CCDC33: variants seen among roughly 807,000 people sequenced by gnomAD.
The protein encoded by CCDC33 is coiled-coil domain-containing protein 33.
CCDC33 carries 94 observed loss-of-function variants against 91.9 expected under a neutral mutation model. That is an observed-to-expected ratio of 1.02 (90% CI 0.87 to 1.21). CCDC33 has a LOEUF of 1.21. Ranked by LOEUF, CCDC33 falls within the 50% of genes most tolerant of loss-of-function variation. The pLI is 0.00. For missense variants in CCDC33, 940 were observed against 935.5 expected (o/e 1.00, Z -0.06); for synonymous variants, 396 against 374.5 (o/e 1.06, Z -0.66).
At chr15:74,262,100 G>A (rs1181696231) in intron 2 of CCDC33, among the ~76,000 whole-genome samples, 7 of 152,180 alleles carry the variant, frequency 4.6e-5, no homozygotes, top group African/African-American at 7.2e-5. Flanking sequence ...CCATGCACAC[G>A]GGCTCCTGCT....
At chr15:74,261,485 G>GA (rs1188008246) in intron 2 of CCDC33, among the ~76,000 whole-genome samples, 1 of 152,216 alleles carries the variant, frequency 6.6e-6, no homozygotes, top group Non-Finnish European at 1.5e-5. Flanking sequence ...GGCTGGTGGG[G>GA]ATGACGTCTT....
At position 74,262,579 on chromosome 15, in the gene CCDC33, C is replaced by A. The variant is rs1222778821; in HGVS notation, c.319+6C>A. On this transcript the variant is annotated splice_donor_region_variant and intron_variant, in intron 3 of 18. Transcript: ENST00000398814. ...TGAGGATGCAGGGCAAGAAGGTAAG[C>A]AGGGGCTGGGCAGGGCCGGCATGTG... is the stretch of plus-strand genomic sequence containing the variant. 1 of 1,611,530 alleles carries A rather than the reference C, an allele frequency of 6.2e-7. No individual in the cohort carries two copies.
chr15:74,333,469 C>G (rs2060486001), intron 16 of CCDC33: 2 of 672,526 alleles, frequency 3.0e-6, no homozygotes, highest in Admixed American at 5.0e-5. Context: ...AGTTTTCTCT[C>G]CATCCCAGGA....
chr15:74,252,715 C>T (rs1381471578), intron 2 of CCDC33, among the ~76,000 whole-genome samples: 1 of 152,124 alleles, frequency 6.6e-6, no homozygotes, highest in Non-Finnish European at 1.5e-5. Flanking sequence ...AGCAGGATCC[C>T]CATGGGAAAA....
At chr15:74,219,246 C>T (rs1184370202) in intron 2 of CCDC33, among the ~76,000 whole-genome samples, 1 of 152,252 alleles carries the variant, frequency 6.6e-6, no homozygotes, top group East Asian at 1.9e-4. Context: ...AGCATCCACC[C>T]TGACCAGGAG....
intron 2 of CCDC33, among the ~76,000 whole-genome samples, chr15:74,251,908 A>G (rs1031688606): frequency 2.0e-5 from 3 of 152,188 alleles, no homozygotes; most frequent in Admixed American, 6.5e-5. Context: ...AATACTCACC[A>G]TACCCCTGAG....
At position 74,332,846 on chromosome 15, in the gene CCDC33, G is replaced by A. The variant is rs755174125; in HGVS notation, c.1938+1G>A. On this transcript the variant is annotated splice_donor_variant, in intron 16 of 18. Transcript: ENST00000398814. LOFTEE classifies it high-confidence loss of function. ...CATTCTGCAGCAACAGGCCCTGCCG[G>A]TAAGAGGCCCTTGACCTGGGCCTGC... The A allele has an allele frequency of 9.9e-6, 16 of 1,613,554 alleles. No homozygotes were observed. Among genetic ancestry groups the A allele is most frequent in the Non-Finnish European group, 1.4e-5 (16 of 1,179,680 alleles).
chr15:74,327,685 G>A (rs1344327698), intron 11 of CCDC33, among the ~76,000 whole-genome samples: 1 of 152,126 alleles, frequency 6.6e-6, no homozygotes, highest in Non-Finnish European at 1.5e-5. Flanking sequence ...AAACAGCTGA[G>A]TTGGAGAACA....
At chr15:74,233,104 C>T (rs2075034931), upstream of CCDC33, among the ~76,000 whole-genome samples, 1 of 152,230 alleles carries the variant, frequency 6.6e-6, no homozygotes, top group Non-Finnish European at 1.5e-5. Flanking sequence ...GGCCCTTCAT[C>T]CCGGAGGCCT....
chr15:74,204,258 C>A (rs1334170275), intron 1 of CCDC33, among the ~76,000 whole-genome samples: 2 of 152,240 alleles, frequency 1.3e-5, no homozygotes, highest in African/African-American at 4.8e-5. Context: ...TCCCGGAGGG[C>A]GGGACTCTAT....
At chr15:74,317,398 A>G (rs555516267) in intron 11 of CCDC33, among the ~76,000 whole-genome samples, 2 of 152,280 alleles carry the variant, frequency 1.3e-5, no homozygotes, top group South Asian at 4.1e-4. Flanking sequence ...GAAAAAGAGT[A>G]AGTGAAACAT....
At chr15:74,247,769 G>A (rs1228897321) in intron 2 of CCDC33, among the ~76,000 whole-genome samples, 2 of 152,108 alleles carry the variant, frequency 1.3e-5, no homozygotes, top group African/African-American at 4.8e-5. Context: ...TGCAGCAGGT[G>A]ACTCTAGTTA....
chr15:74,333,029 C>T (rs772842282), intron 16 of CCDC33, 184 bp downstream of exon 16: 300 of 770,738 alleles, frequency 3.9e-4, no homozygotes, highest in Non-Finnish European at 5.3e-4. Context: ...TGTGTGTCCC[C>T]GAACACTTCA....
At chr15:74,282,041 G>A (rs1276995669) in intron 10 of CCDC33, among the ~76,000 whole-genome samples, 192 bp downstream of exon 10, 3 of 152,202 alleles carry the variant, frequency 2.0e-5, no homozygotes, top group African/African-American at 7.2e-5. Flanking sequence ...GAGGAGAGTT[G>A]TGAGCAGAGG....
intron 7 of CCDC33, among the ~76,000 whole-genome samples, chr15:74,278,612 C>G (rs1338842012): frequency 6.6e-6 from 1 of 152,260 alleles, no homozygotes; most frequent in Non-Finnish European, 1.5e-5. Context: ...TTCAGGCGTC[C>G]TCTGCACAGG....
intron 1 of CCDC33, among the ~76,000 whole-genome samples, chr15:74,205,215 C>A (rs559740739): frequency 6.6e-6 from 1 of 152,206 alleles, no homozygotes; most frequent in African/African-American, 2.4e-5. Flanking sequence ...AGGGAGGTAC[C>A]AGTTGGGCAC....
chr15:74,257,453 A>G (rs1236198323), intron 2 of CCDC33, among the ~76,000 whole-genome samples: 1 of 151,998 alleles, frequency 6.6e-6, no homozygotes, highest in Non-Finnish European at 1.5e-5. Flanking sequence ...CCTGGGCACA[A>G]CCCCCTGCCC....
At chr15:74,260,975 T>A (rs1555410041) in intron 2 of CCDC33, among the ~76,000 whole-genome samples, 1 of 152,230 alleles carries the variant, frequency 6.6e-6, no homozygotes, top group Non-Finnish European at 1.5e-5. Context: ...CCCTGCAGGC[T>A]GGGCACCGTT....
intron 2 of CCDC33, among the ~76,000 whole-genome samples, chr15:74,248,165 G>A (rs965271441): frequency 1.9e-4 from 29 of 152,220 alleles, no homozygotes; most frequent in African/African-American, 5.1e-4. Context: ...GTAACTGTGA[G>A]GTGATAGATG....
Sources: gnomAD v4.1 joint callset for allele counts (sites outside exome capture counted in the v4.1 genomes callset) on GRCh38, gnomAD v4.1.1 for gene constraint, MANE v1.5 for transcripts, NCBI Gene and HGNC (gene_info 2026-07-23, HGNC 2026-07-21) for gene names.